Variants in ZNF2 observed in about 807,000 individuals in gnomAD.
The protein encoded by ZNF2 is zinc finger protein 2.
In ZNF2, 12 loss-of-function variants were observed where a neutral mutation model predicts 21.9. The ratio of observed to expected loss-of-function variants is 0.55; its 90% confidence interval spans 0.35 to 0.89. ZNF2 has a LOEUF of 0.89. Among genes scored for constraint, ZNF2 ranks in the 40% least tolerant of loss-of-function variants. The pLI is 0.01. For synonymous variants in ZNF2, 186 were observed against 196.3 expected (o/e 0.95, Z 0.44); for missense variants, 462 against 544.2 (o/e 0.85, Z 1.50).
rs749237749 is a variant in ZNF2 at position 95,172,305 on chromosome 2, G to T, written c.-39-3883G>T. Among the ~76,000 whole-genome samples, 6 of 152,202 alleles carry T rather than the reference G, an allele frequency of 3.9e-5. No homozygotes were observed. In the South Asian group the frequency reaches 6.2e-4, roughly 16 times the overall value. On this transcript the variant is annotated intron_variant, in intron 1 of 4. Transcript: ENST00000614034. ...CACCGTTATCTCTTAGGGAACTGGG[G>T]AACCCTCTCAAAATCGAAGTTTCCA...
chr2:95,179,120 T>C (rs1042164074), intron 3 of ZNF2, among the ~76,000 whole-genome samples: 2 of 151,968 alleles, frequency 1.3e-5, no homozygotes, highest in Non-Finnish European at 2.9e-5. Flanking sequence ...GTCTCCCAAG[T>C]AGCTGGGATT....
intron 1 of ZNF2, among the ~76,000 whole-genome samples, chr2:95,169,872 A>G (rs1451880012): frequency 6.6e-6 from 1 of 152,248 alleles, no homozygotes; most frequent in African/African-American, 2.4e-5. Context: ...TACTTAGCAC[A>G]TTATTCTAAA....
chr2:95,169,802 G>A (rs186882049), intron 1 of ZNF2, among the ~76,000 whole-genome samples: 2 of 152,258 alleles, frequency 1.3e-5, no homozygotes, highest in Admixed American at 6.5e-5. Context: ...TATTTTCAGT[G>A]TGTCTACCTT....
At position 95,172,947 on chromosome 2, in the gene ZNF2, G is replaced by T. The variant is rs200498349; in HGVS notation, c.-39-3241G>T. Among the ~76,000 whole-genome samples the T allele has an allele frequency of 9.3e-5, 14 of 150,512 alleles. No individual in the cohort carries two copies. In the East Asian group the frequency reaches 1.2e-3, roughly 13 times the overall value. On this transcript the variant is annotated intron_variant, in intron 1 of 4. Transcript: ENST00000614034. ...CCACTGCACCTGGCCGTTCTTTGTG[G>T]TTTTTTTTCAGTTGTTGATTTTTTT...
At chr2:95,179,048 G>A (rs981782084) in intron 3 of ZNF2, among the ~76,000 whole-genome samples, 9 of 149,070 alleles carry the variant, frequency 6.0e-5, no homozygotes, top group African/African-American at 2.0e-4. Context: ...TTGGAGTGCA[G>A]TGATGCAATC....
chr2:95,171,513 G>A lies in ZNF2; in HGVS notation c.-39-4675G>A, dbSNP rs1387268664. On this transcript the variant is annotated intron_variant, in intron 1 of 4. Transcript: ENST00000614034. ...TTCTCCTGCCTCAGCCTCCCAAGTA[G>A]CTGGGATTACAGGTGCCTGCCACGG... Among the ~76,000 whole-genome samples, 10 of 151,798 alleles carry A rather than the reference G, an allele frequency of 6.6e-5. No homozygotes were observed. The South Asian group carries it at 2.1e-3, about 32-fold the overall frequency.
At position 95,181,213 on chromosome 2, in the gene ZNF2, A is replaced by G; in HGVS notation, c.385A>G (p.Thr129Ala). 1 of 1,614,230 alleles carries G rather than the reference A, an allele frequency of 6.2e-7. No individual in the cohort carries two copies. Among genetic ancestry groups the G allele is most frequent in the Non-Finnish European group, 8.5e-7 (1 of 1,180,046 alleles). ...SPLCPKFEVH[T>A]PNGRMGTEKQ... ...TCTGTGTCCTAAATTTGAAGTTCAT[A>G]CACCCAATGGCAGGATGGGAACAGA... The change falls in exon 5 of 5, where the codon ACA (threonine) becomes GCA (alanine). Residue 129 changes from threonine (T) to alanine (A), a missense_variant. Transcript: ENST00000614034.
intron 1 of ZNF2, among the ~76,000 whole-genome samples, chr2:95,174,826 C>G (rs1674388432): frequency 6.6e-6 from 1 of 152,172 alleles, no homozygotes; most frequent in Non-Finnish European, 1.5e-5. Flanking sequence ...TTTTTCTGTG[C>G]TTGATGTAAG....
Position 95,182,178 on chromosome 2 carries a change from G to A in ZNF2, c.*72G>A. On this transcript the variant is annotated 3_prime_UTR_variant, in exon 5 of 5. Transcript: ENST00000614034. ...GATAGATCTCGCCTGTCTTAAAGCTGCCATTTGCTCATTCTACCCACTCTG... is the reference window on the plus strand; with the variant it reads ...GATAGATCTCGCCTGTCTTAAAGCTACCATTTGCTCATTCTACCCACTCTG... 4 of 1,519,318 alleles carry A rather than the reference G, an allele frequency of 2.6e-6. No individual in the cohort carries two copies. The Middle Eastern group carries it at 7.0e-4, about 266-fold the overall frequency. The allele number at this position is 1,519,318 out of a possible 1,614,324, so 94.1% of individuals were successfully genotyped here. A position where few individuals can be genotyped will look rare whatever the true frequency, so the allele number is the denominator to read the frequency against.
chr2:95,174,707 T>C (rs1674384427), intron 1 of ZNF2, among the ~76,000 whole-genome samples: 1 of 152,236 alleles, frequency 6.6e-6, no homozygotes, highest in African/African-American at 2.4e-5. Flanking sequence ...TTGCTGTGCA[T>C]ATCGCTTTGC....
At chr2:95,179,811 C>G (rs1431581441) in intron 3 of ZNF2, among the ~76,000 whole-genome samples, 1 of 152,218 alleles carries the variant, frequency 6.6e-6, no homozygotes, top group African/African-American at 2.4e-5. Context: ...AATCCCAGCT[C>G]TTTGGGAGGC....
chr2:95,177,363 C>A, intron 2 of ZNF2, 120 bp from the exon 3 acceptor site: 2 of 1,200,262 alleles, frequency 1.7e-6, no homozygotes, highest in Non-Finnish European at 2.3e-6. Flanking sequence ...TCTACTCAGT[C>A]AGAACTGTTT....
Position 95,171,342 on chromosome 2 carries a change from T to G in ZNF2, c.-39-4846T>G, listed in dbSNP as rs535768163. ...ATCTTTGCCCTCATCACCTTCAGCC[T>G]CTTCTTCCAGCCAGTGTATTGTCTG... On this transcript the variant is annotated intron_variant, in intron 1 of 4. Coordinates refer to ENST00000614034, the MANE Select transcript of ZNF2 (RefSeq NM_021088.4). Among the ~76,000 whole-genome samples, 20 of 152,078 alleles carry G rather than the reference T, an allele frequency of 1.3e-4. 1 individual carries two copies. The South Asian group carries it at 3.7e-3, about 28-fold the overall frequency.
In ZNF2 at chr2:95,181,878, C is replaced by T. The variant is rs780571445; in HGVS notation, c.1050C>T (p.Phe350=). ...RYQCNECGKA[F]FDRSSLTQHQ... The stretch of plus-strand genomic sequence containing the variant: ...AGTGTAACGAGTGTGGCAAAGCTTT[C>T]TTTGACCGCTCATCCCTTACACAGC... The change falls in exon 5 of 5, where the codon TTC becomes TTT. Residue 350 remains phenylalanine (F), a synonymous_variant. Coordinates refer to ENST00000614034, the MANE Select transcript of ZNF2 (RefSeq NM_021088.4). 1 of 1,614,078 alleles carries T rather than the reference C, an allele frequency of 6.2e-7. No homozygotes were observed. The highest frequency in any genetic ancestry group is 1.7e-5 in the Admixed American group (1 of 60,004).
In ZNF2 at chr2:95,181,582, A is replaced by T; in HGVS notation, c.754A>T (p.Thr252Ser). The change falls in exon 5 of 5, where the codon ACT becomes TCT. Residue 252 changes from threonine to serine, a missense_variant. Physicochemically the swap from Thr to Ser is moderately conservative, Grantham distance 58. Transcript: ENST00000614034. ...SSLTVHQRIH[T>S]GEKPFQCNEC... ...CCTAACTGTCCATCAGCGAATTCACACTGGAGAGAAACCCTTTCAGTGCAA... is the reference window on the plus strand; with the variant it reads ...CCTAACTGTCCATCAGCGAATTCACTCTGGAGAGAAACCCTTTCAGTGCAA... 1 of 1,614,140 alleles carries T rather than the reference A, an allele frequency of 6.2e-7. No homozygotes were observed. The highest frequency in any genetic ancestry group is 8.5e-7 in the Non-Finnish European group (1 of 1,180,020).
At chr2:95,171,772 C>T (rs1411529694) in intron 1 of ZNF2, among the ~76,000 whole-genome samples, 1 of 152,214 alleles carries the variant, frequency 6.6e-6, no homozygotes, top group African/African-American at 2.4e-5. Flanking sequence ...AATTATAACA[C>T]TCTCCTCAAT....
rs767358583 is a variant in ZNF2 at position 95,181,634 on chromosome 2, G to A, written c.806G>A (p.Arg269His). ...CNECGKAFFD[R>H]SSLTRHQRIH... ...GAGTGTGGAAAAGCCTTTTTTGACC[G>A]TTCATCCCTTACTCGACACCAGAGA... The change falls in exon 5 of 5, where the codon CGT becomes CAT. Residue 269 changes from arginine to histidine, a missense_variant. By Grantham distance (29) the Arg-to-His change is conservative (BLOSUM62 0). Transcript: ENST00000614034. 3.7e-5 allele frequency: 59 copies of A among 1,614,030 alleles called. No individual in the cohort carries two copies. The highest frequency in any genetic ancestry group is 3.3e-4 in the Admixed American group (20 of 60,002).
chr2:95,179,425 C>T lies in ZNF2; in HGVS notation c.161-734C>T, dbSNP rs572441974. On this transcript the variant is annotated intron_variant, in intron 3 of 4. Coordinates refer to ENST00000614034, the MANE Select transcript of ZNF2 (RefSeq NM_021088.4). The stretch of plus-strand genomic sequence containing the variant: ...CACTTCTAATTTTCCTAGAATGCAC[C>T]GGACAGACTTGTTTCAATGAAAGCA... 3.3e-5 allele frequency among the ~76,000 whole-genome samples: 5 copies of T among 152,240 alleles called. No homozygotes were observed. The South Asian group carries it at 1.0e-3, about 32-fold the overall frequency.
Position 95,181,894 on chromosome 2 carries a change from C to CT in ZNF2, c.1068dup (p.Thr357TyrfsTer14). The CT allele has an allele frequency of 6.2e-7, 1 of 1,614,108 alleles. No homozygotes were observed. Among genetic ancestry groups the CT allele is most frequent in the South Asian group, 1.1e-5 (1 of 91,078 alleles). ...CAAAGCTTTCTTTGACCGCTCATCC[C>CT]TTACACAGCATCAGAAGATCCACAC... On this transcript the variant is annotated frameshift_variant, in exon 5 of 5. Coordinates refer to ENST00000614034, the MANE Select transcript of ZNF2 (RefSeq NM_021088.4). LOFTEE classifies it high-confidence loss of function.
Sources: gnomAD v4.1 joint callset for allele counts (sites outside exome capture counted in the v4.1 genomes callset) on GRCh38, gnomAD v4.1.1 for gene constraint, MANE v1.5 for transcripts, NCBI Gene and HGNC (gene_info 2026-07-23, HGNC 2026-07-21) for gene names.